NELL1: variants seen among roughly 807,000 people sequenced by gnomAD.
The protein encoded by NELL1 is neural EGFL like 1.
Under a neutral mutation model 107.4 loss-of-function variants are expected in NELL1, and 76 were observed. That is an observed-to-expected ratio of 0.71 (90% CI 0.59 to 0.86). NELL1 has a LOEUF of 0.86. Among genes scored for constraint, NELL1 ranks in the 40% least tolerant of loss-of-function variants. The pLI is 0.00. For synonymous variants in NELL1, 353 were observed against 341.2 expected (o/e 1.03, Z -0.38); for missense variants, 1,024 against 1,005.5 (o/e 1.02, Z -0.25).
At chr11:21,444,608 A>T (rs1853372662) in intron 15 of NELL1, among the ~76,000 whole-genome samples, 1 of 152,122 alleles carries the variant, frequency 6.6e-6, no homozygotes, top group Admixed American at 6.5e-5. Context: ...TTGTGGATAC[A>T]TAGTAGGGAT....
At chr11:20,975,855 T>TAC (rs1851607699) in intron 12 of NELL1, among the ~76,000 whole-genome samples, 4 of 134,716 alleles carry the variant, frequency 3.0e-5, no homozygotes, top group South Asian at 2.3e-4. Context: ...TATATATACA[T>TAC]ATATGTGTAT....
intron 13 of NELL1, among the ~76,000 whole-genome samples, chr11:21,178,418 G>A (rs530704855): frequency 9.2e-5 from 14 of 151,768 alleles, no homozygotes; most frequent in Non-Finnish European, 1.5e-4. Context: ...TTTGCTAGGG[G>A]TTTATTTAAT....
intron 5 of NELL1, among the ~76,000 whole-genome samples, chr11:20,886,799 T>C (rs779053315): frequency 1.3e-5 from 2 of 152,152 alleles, no homozygotes. Context: ...AACCTGCACG[T>C]TGTGCACATG....
intron 14 of NELL1, among the ~76,000 whole-genome samples, chr11:21,290,630 A>G (rs1849236007): frequency 6.6e-6 from 1 of 152,208 alleles, no homozygotes; most frequent in South Asian, 2.1e-4. Flanking sequence ...CTCTGGGGCA[A>G]AGCTTCCAGA....
intron 12 of NELL1, among the ~76,000 whole-genome samples, chr11:21,070,183 G>T (rs974520378): frequency 5.3e-5 from 8 of 151,946 alleles, no homozygotes; most frequent in African/African-American, 1.9e-4. Context: ...ATTTCAATGT[G>T]GAGCCTTGTA....
chr11:20,812,124 TTGTTGAG>T (rs1233602487), intron 3 of NELL1, among the ~76,000 whole-genome samples: 49 of 152,346 alleles, frequency 3.2e-4, no homozygotes, highest in Admixed American at 5.9e-4. Flanking sequence ...TATACCTAAT[TTGTTGAG>T]AATTTTCAAC....
intron 15 of NELL1, among the ~76,000 whole-genome samples, chr11:21,489,619 C>G (rs1854746803): frequency 6.6e-6 from 1 of 151,896 alleles, no homozygotes; most frequent in Non-Finnish European, 1.5e-5. Flanking sequence ...GGATTTACAC[C>G]AGGACTGCAA....
At chr11:21,088,572 AT>A (rs1336575378) in intron 12 of NELL1, among the ~76,000 whole-genome samples, 1 of 152,094 alleles carries the variant, frequency 6.6e-6, no homozygotes, top group Non-Finnish European at 1.5e-5. Flanking sequence ...GCAACAAATC[AT>A]TTTTTTCTTA....
chr11:20,678,144 C>T lies in NELL1; in HGVS notation c.184+84C>T. 4 of 1,485,022 alleles carry T rather than the reference C, an allele frequency of 2.7e-6. No homozygotes were observed. In the South Asian group the frequency reaches 3.4e-5, roughly 13 times the overall value. 92.0% of individuals were successfully genotyped at this position (1,485,022 alleles called of 1,614,324 possible). Reference sequence around the variant, plus strand: ...GAGTGCTCATTTGTTGTGTGTTTGTCTGGAGATCGCCTTTGCTATTTCTCT... The same window carrying T: ...GAGTGCTCATTTGTTGTGTGTTTGTTTGGAGATCGCCTTTGCTATTTCTCT... On this transcript the variant is annotated intron_variant, in intron 2 of 19. Coordinates refer to ENST00000357134, the MANE Select transcript of NELL1 (RefSeq NM_006157.5).
chr11:20,725,489 C>G (rs1223009494), intron 2 of NELL1, among the ~76,000 whole-genome samples: 7 of 152,114 alleles, frequency 4.6e-5, no homozygotes, highest in African/African-American at 1.7e-4. Flanking sequence ...TGCTGGATCA[C>G]CGTGGGAATT....
chr11:21,056,347 T>C (rs987429786), intron 12 of NELL1, among the ~76,000 whole-genome samples: 1 of 152,136 alleles, frequency 6.6e-6, no homozygotes, highest in Admixed American at 6.6e-5. Context: ...GTCAAACTGA[T>C]TATAGTTGGG....
intron 15 of NELL1, among the ~76,000 whole-genome samples, chr11:21,462,310 A>G (rs1026965248): frequency 9.2e-5 from 14 of 152,126 alleles, no homozygotes; most frequent in Admixed American, 6.6e-5. Flanking sequence ...TATACTAACT[A>G]CTTCATCATG....
chr11:20,695,090 A>C (rs1332850018), intron 2 of NELL1, among the ~76,000 whole-genome samples: 1 of 151,976 alleles, frequency 6.6e-6, no homozygotes, highest in Non-Finnish European at 1.5e-5. Context: ...CTTGGCTCTC[A>C]GCTTGAACGT....
At chr11:21,082,828 C>T (rs757639775) in intron 12 of NELL1, among the ~76,000 whole-genome samples, 1 of 152,198 alleles carries the variant, frequency 6.6e-6, no homozygotes, top group Non-Finnish European at 1.5e-5. Flanking sequence ...CCCTACCCAA[C>T]GTCTGCATTT....
intron 15 of NELL1, among the ~76,000 whole-genome samples, chr11:21,381,904 A>ATTTTTTTTTTTTTTTTTTTTTTTTTTTT (rs149327802): frequency 4.4e-5 from 4 of 91,356 alleles, no homozygotes; most frequent in African/African-American, 1.8e-4. Flanking sequence ...CCTGGAAGGG[A>ATTTTTTTTTTTTTTTTTTTTTTTTTTTT]TTTTTTTTTT....
intron 3 of NELL1, among the ~76,000 whole-genome samples, chr11:20,800,490 GTCT>G (rs1228029337): frequency 7.6e-6 from 1 of 131,072 alleles, no homozygotes; most frequent in Non-Finnish European, 1.8e-5. Context: ...CTGCTTGTAT[GTCT>G]TCTTTTGGGA....
intron 15 of NELL1, among the ~76,000 whole-genome samples, chr11:21,459,477 TA>T (rs1030313299): frequency 1.0e-4 from 15 of 150,730 alleles, no homozygotes; most frequent in Non-Finnish European, 1.6e-4. Flanking sequence ...AAGTAAAGGA[TA>T]AAAAAAAGAA....
intron 3 of NELL1, among the ~76,000 whole-genome samples, chr11:20,789,122 C>T (rs112746031): frequency 9.2e-4 from 140 of 152,280 alleles, no homozygotes; most frequent in African/African-American, 3.3e-3. Context: ...AAACCTGTGG[C>T]TGGTGGTGCC....
chr11:21,334,588 C>T (rs1850345350), intron 14 of NELL1, among the ~76,000 whole-genome samples: 1 of 151,916 alleles, frequency 6.6e-6, no homozygotes, highest in Non-Finnish European at 1.5e-5. Context: ...GTCCCTCTCT[C>T]TTTCTTTCTA....
Sources: allele counts gnomAD v4.1 joint callset (sites outside exome capture counted in the v4.1 genomes callset), GRCh38; gene constraint gnomAD v4.1.1; transcripts MANE v1.5; gene names NCBI Gene and HGNC (gene_info 2026-07-23, HGNC 2026-07-21).